MYH11: variants seen among roughly 807,000 people sequenced by gnomAD.
The protein encoded by MYH11 is myosin heavy chain 11, also known as myosin-11.
A neutral mutation model predicts 246.6 loss-of-function variants in MYH11; 80 were observed. That is an observed-to-expected ratio of 0.32 (90% CI 0.27 to 0.39). The LOEUF (loss-of-function observed/expected upper bound fraction) is 0.39, where lower values mean the gene tolerates loss of function less well. Among genes scored for constraint, MYH11 ranks in the 10% least tolerant of loss-of-function variants. The pLI, the probability that MYH11 is intolerant of heterozygous loss-of-function variation, is 1.00. For synonymous variants in MYH11, 1,071 were observed against 1,015.5 expected, an observed-to-expected ratio of 1.05 and a Z score of -1.04; for missense variants, 2,158 against 2,546.8, an observed-to-expected ratio of 0.85 and a Z score of 3.29.
intron 3 of MYH11, among the ~76,000 whole-genome samples, chr16:15,817,954 C>A (rs1178696456): frequency 6.6e-6 from 1 of 152,164 alleles, no homozygotes; most frequent in Non-Finnish European, 1.5e-5. Flanking sequence ...CTATAAATAA[C>A]TCTAATAATT....
intron 40 of MYH11, chr16:15,713,523 TCTCA>T (rs1164277095): frequency 6.6e-6 from 1 of 152,020 alleles, no homozygotes; most frequent in Non-Finnish European, 1.5e-5. Context: ...TGAGACAGGG[TCTCA>T]CTCTGTCCAT....
chr16:15,732,358 C>G (rs1172273915), intron 27 of MYH11: 10 of 722,346 alleles, frequency 1.4e-5, no homozygotes, highest in Non-Finnish European at 2.1e-5. Context: ...CCTCAGCCTC[C>G]CCAAGTACTG....
At position 15,798,608 on chromosome 16, in the gene MYH11, T is replaced by TAAAAAAA. The variant is rs374559754; in HGVS notation, c.530+45_530+51dup. On this transcript the variant is annotated intron_variant, in intron 4 of 40. Transcript: ENST00000300036. Reference sequence around the variant, plus strand: ...CATAGGTTGGATCTCGACTACAGATTAAAAAAAAAAAAAAACAAAAAAAAA... The same window carrying TAAAAAAA: ...CATAGGTTGGATCTCGACTACAGATTAAAAAAAAAAAAAAAAAAAAAACAAAAAAAAA... 276 of 1,037,038 alleles carry TAAAAAAA rather than the reference T, an allele frequency of 2.7e-4. 10 individuals carry two copies. The African/African-American group carries it at 3.6e-3, about 14-fold the overall frequency. 64.2% of individuals were successfully genotyped at this position (1,037,038 alleles called of 1,614,324 possible).
intron 4 of MYH11, among the ~76,000 whole-genome samples, chr16:15,794,623 C>A (rs2042700739): frequency 6.6e-6 from 1 of 152,202 alleles, no homozygotes; most frequent in African/African-American, 2.4e-5. Context: ...GTGGAGATAT[C>A]ATTGCTACAT....
intron 3 of MYH11, among the ~76,000 whole-genome samples, chr16:15,815,243 C>T (rs76517844): frequency 0.13 from 19,373 of 152,076 alleles, 1,294 homozygotes; most frequent in East Asian, 0.15. Context: ...AAGAAATCCA[C>T]TAATATGACA....
chr16:15,779,104 C>T, intron 6 of MYH11: 1 of 595,090 alleles, frequency 1.7e-6, no homozygotes, highest in Non-Finnish European at 3.0e-6. Context: ...TGACCGTAGT[C>T]CATCATGGCT....
chr16:15,793,540 G>A (rs574659113), intron 4 of MYH11, among the ~76,000 whole-genome samples: 1 of 150,778 alleles, frequency 6.6e-6, no homozygotes, highest in Non-Finnish European at 1.5e-5. Context: ...CCACCCTCCC[G>A]CCTCGGCCTC....
chr16:15,708,657 A>C, intron 40 of MYH11: 3 of 849,616 alleles, frequency 3.5e-6, no homozygotes, highest in Admixed American at 2.0e-5. Flanking sequence ...AAAGCTTTGC[A>C]CAAAGATATC....
Position 15,707,979 on chromosome 16 carries a change from AG to A in MYH11, c.5787-3857del, listed in dbSNP as rs1457464730. On this transcript the variant is annotated intron_variant, in intron 40 of 40. Transcript: ENST00000300036. The stretch of plus-strand genomic sequence containing the variant: ...CGTCTCAAAAAAAAAAAAAAAAAAA[AG>A]CAAAATCCCAGAGCAGCAGAGACCT... Among the ~76,000 whole-genome samples the A allele has an allele frequency of 1.2e-3, 149 of 126,264 alleles. 3 individuals are homozygous for A. Among genetic ancestry groups the A allele is most frequent in the African/African-American group, 5.1e-3 (123 of 24,076 alleles). The allele number at this position is 126,264 out of a possible 152,430, so 82.8% of individuals were successfully genotyped here.
At chr16:15,848,848 G>A (rs779057875) in intron 1 of MYH11, among the ~76,000 whole-genome samples, 14 of 152,098 alleles carry the variant, frequency 9.2e-5, no homozygotes, top group Non-Finnish European at 1.5e-4. Flanking sequence ...AAGATCAGAC[G>A]GGGGCAAGGT....
intron 14 of MYH11, 24 bp downstream of exon 14, chr16:15,756,317 T>A: frequency 6.2e-7 from 1 of 1,612,576 alleles, no homozygotes; most frequent in Non-Finnish European, 8.5e-7. Flanking sequence ...TGAGACAGAG[T>A]CCCCTGGGCC....
intron 16 of MYH11, chr16:15,749,896 T>C: frequency 1.7e-6 from 1 of 602,268 alleles, no homozygotes; most frequent in Middle Eastern, 2.7e-4. Flanking sequence ...CCTGGGATAA[T>C]GAATGAATGA....
intron 3 of MYH11, among the ~76,000 whole-genome samples, chr16:15,812,318 C>G (rs1410779639): frequency 2.0e-5 from 3 of 152,026 alleles, no homozygotes; most frequent in East Asian, 1.9e-4. Context: ...CCCAATAAAC[C>G]TTGTAAGCAT....
At chr16:15,763,741 T>TCGGGCCCCCCCC in intron 10 of MYH11, 55 bp downstream of exon 10, 2 of 646,854 alleles carry the variant, frequency 3.1e-6, no homozygotes, top group East Asian at 3.2e-5. Flanking sequence ...AAATGTCACC[T>TCGGGCCCCCCCC]CCCCCACCCC....
chr16:15,747,599 C>T lies in MYH11; in HGVS notation c.2382G>A (p.Gln794=). 1 of 1,614,094 alleles carries T rather than the reference C, an allele frequency of 6.2e-7. No homozygotes were observed. Among genetic ancestry groups the T allele is most frequent in the South Asian group, 1.1e-5 (1 of 91,054 alleles). ...TGGCCAAGTAGCCACGACACATCGC[C>T]TGGAAGGCCATGATGACATCGGTGA... The part of the protein sequence containing the change: ...LKITDVIMAF[Q]AMCRGYLARK... The change falls in exon 19 of 41, where the codon CAG becomes CAA. Residue 794 remains glutamine (Q), a synonymous_variant. Transcript: ENST00000300036.
chr16:15,741,592 C>T lies in MYH11; in HGVS notation c.2730G>A (p.Arg910=). The change falls in exon 22 of 41, where the codon CGG becomes CGA. Residue 910 remains arginine, a synonymous_variant. Transcript: ENST00000300036. ...CCTGCTTCTTGGCCGCCAGCCGCAC[C>T]CGCATCTCCTCAGCCTCTGCATACA... ...TELYAEAEEM[R]VRLAAKKQEL... 1 of 1,612,814 alleles carries T rather than the reference C, an allele frequency of 6.2e-7. No individual in the cohort carries two copies. The highest frequency in any genetic ancestry group is 8.5e-7 in the Non-Finnish European group (1 of 1,180,032).
chr16:15,729,315 T>G (rs2040890757), intron 27 of MYH11, among the ~76,000 whole-genome samples: 1 of 152,092 alleles, frequency 6.6e-6, no homozygotes, highest in Non-Finnish European at 1.5e-5. Flanking sequence ...ATTCAAGTTG[T>G]TAGAGGCAAA....
At position 15,768,473 on chromosome 16, in the gene MYH11, T is replaced by C. The variant is rs548849918; in HGVS notation, c.1033+3096A>G. ...ACCCACCCCCTTCTCCATAGGCCCC[T>C]TGATGGAGGGTTTGGAAGTAGCTCT... On this transcript the variant is annotated intron_variant, in intron 9 of 40. Coordinates refer to ENST00000300036, the MANE Select transcript of MYH11 (RefSeq NM_002474.3). Among the ~76,000 whole-genome samples the C allele has an allele frequency of 3.4e-4, 51 of 152,176 alleles. 1 individual carries two copies. The highest frequency in any genetic ancestry group is 1.1e-3 in the African/African-American group (45 of 41,536).
At chr16:15,717,378 G>A (rs770088955) in intron 37 of MYH11, 30 bp from the exon 38 acceptor site, 14 of 1,600,974 alleles carry the variant, frequency 8.7e-6, no homozygotes, top group Non-Finnish European at 1.2e-5. Context: ...CCATGAGGCG[G>A]ACTCAGGGAA....
Sources: allele counts gnomAD v4.1 joint callset (sites outside exome capture counted in the v4.1 genomes callset), GRCh38; gene constraint gnomAD v4.1.1; transcripts MANE v1.5; gene names NCBI Gene and HGNC (gene_info 2026-07-23, HGNC 2026-07-21).